Variants in DLG1 observed in about 807,000 individuals in gnomAD.
The protein encoded by DLG1 is disks large homolog 1.
Under a neutral mutation model 123.4 loss-of-function variants are expected in DLG1, and 42 were observed. That is an observed-to-expected ratio of 0.34 (90% CI 0.27 to 0.44). DLG1 has a LOEUF of 0.44. DLG1 is among the 20% of genes least tolerant of loss of function. The pLI is 1.00. For synonymous variants in DLG1, 317 were observed against 356.2 expected, an observed-to-expected ratio of 0.89 and a Z score of 1.24; for missense variants, 942 against 1,082.6, an observed-to-expected ratio of 0.87 and a Z score of 1.82.
Position 197,130,527 on chromosome 3 carries a change from A to G in DLG1, c.1165T>C (p.Ser389Pro), listed in dbSNP as rs758922572. Residue 389 changes from serine (S) to proline (P), a missense_variant and splice_region_variant, in exon 11 of 25, where the codon TCT becomes CCT. Coordinates refer to ENST00000667157, the MANE Select transcript of DLG1 (RefSeq NM_001366207.1). ...AGCAAACGTATGCTAACAGACTTAC[A>G]GTTGGTGATATCAGGTGGTGCATAG... The part of the protein sequence containing the change: ...DGYAPPDITN[S>P]SSQPVDNHVS... 1 of 1,597,816 alleles carries G rather than the reference A, an allele frequency of 6.3e-7. No individual in the cohort carries two copies. The highest frequency in any genetic ancestry group is 8.5e-7 in the Non-Finnish European group (1 of 1,172,386).
At chr3:197,204,824 A>T (rs1727679965) in intron 4 of DLG1, among the ~76,000 whole-genome samples, 1 of 152,220 alleles carries the variant, frequency 6.6e-6, no homozygotes, top group Non-Finnish European at 1.5e-5. Flanking sequence ...GGGCATCAGC[A>T]TCCACTGATT....
chr3:197,186,992 A>G (rs565697390), intron 5 of DLG1, among the ~76,000 whole-genome samples: 2 of 152,374 alleles, frequency 1.3e-5, no homozygotes, highest in South Asian at 4.1e-4. Context: ...ATGTAACGTA[A>G]ATGCAATATA....
intron 4 of DLG1, among the ~76,000 whole-genome samples, chr3:197,247,375 TACA>T (rs1752243365): frequency 6.6e-6 from 1 of 152,080 alleles, no homozygotes; most frequent in Non-Finnish European, 1.5e-5. Flanking sequence ...ATTTGGCAGA[TACA>T]GGTGGTCTAG....
At chr3:197,195,337 A>G (rs1249539238) in intron 4 of DLG1, among the ~76,000 whole-genome samples, 4 of 151,984 alleles carry the variant, frequency 2.6e-5, no homozygotes, top group Admixed American at 2.6e-4. Context: ...TTAAAAAGGC[A>G]TACAAATGGG....
At chr3:197,172,314 TAAC>T (rs758177739) in intron 5 of DLG1, among the ~76,000 whole-genome samples, 12 of 152,160 alleles carry the variant, frequency 7.9e-5, no homozygotes, top group Non-Finnish European at 1.0e-4. Context: ...GAATGATAAT[TAAC>T]AACTATTTTA....
chr3:197,136,703 C>T (rs1785197135), intron 9 of DLG1, 25 bp from the exon 10 acceptor site: 1 of 1,581,534 alleles, frequency 6.3e-7, no homozygotes, highest in African/African-American at 1.4e-5. Flanking sequence ...GTTCTAGATT[C>T]TCATCCATAA....
rs541516125 is a variant in DLG1, at chr3:197,080,207, T to TA, written c.1905+843dup. 2.1e-4 allele frequency among the ~76,000 whole-genome samples: 31 copies of TA among 149,424 alleles called. No individual in the cohort carries two copies. In the East Asian group the frequency reaches 5.9e-3, roughly 29 times the overall value. ...GTATTTAGATGCAAGCAGAAGGACT[T>TA]AAAGTGAAGGAAAAATAAATACACT... On this transcript the variant is annotated intron_variant, in intron 17 of 24. Coordinates refer to ENST00000667157, the MANE Select transcript of DLG1 (RefSeq NM_001366207.1).
intron 4 of DLG1, among the ~76,000 whole-genome samples, chr3:197,280,485 T>C (rs1167615011): frequency 6.6e-6 from 1 of 152,154 alleles, no homozygotes; most frequent in Non-Finnish European, 1.5e-5. Flanking sequence ...TATTCTGATA[T>C]CCTTTCTCTT....
At chr3:197,233,426 G>A (rs1014185097) in intron 4 of DLG1, among the ~76,000 whole-genome samples, 3 of 152,106 alleles carry the variant, frequency 2.0e-5, no homozygotes, top group Non-Finnish European at 4.4e-5. Flanking sequence ...TAGCTCCATC[G>A]CCCAGGCTGG....
intron 7 of DLG1, among the ~76,000 whole-genome samples, chr3:197,142,321 G>A (rs1318545336): frequency 6.6e-6 from 1 of 152,118 alleles, no homozygotes; most frequent in Non-Finnish European, 1.5e-5. Flanking sequence ...TTTCCTGGAT[G>A]GGCCTCTGAG....
chr3:197,285,510 A>G (rs890410497), intron 3 of DLG1, among the ~76,000 whole-genome samples: 38 of 152,096 alleles, frequency 2.5e-4, no homozygotes, highest in African/African-American at 8.9e-4. Context: ...CTGGCAAAAC[A>G]CATACCCAAT....
chr3:197,261,636 T>C (rs1434318355), intron 4 of DLG1, among the ~76,000 whole-genome samples: 1 of 152,184 alleles, frequency 6.6e-6, no homozygotes, highest in African/African-American at 2.4e-5. Context: ...CAAATACACA[T>C]GGACTGCACT....
intron 4 of DLG1, among the ~76,000 whole-genome samples, chr3:197,237,744 C>T (rs755523123): frequency 3.3e-5 from 5 of 152,180 alleles, no homozygotes; most frequent in East Asian, 1.9e-4. Flanking sequence ...AGTCAGGAGA[C>T]GGGATTTTCC....
At chr3:197,162,248 T>C (rs1185077432) in intron 5 of DLG1, among the ~76,000 whole-genome samples, 4 of 126,028 alleles carry the variant, frequency 3.2e-5, no homozygotes, top group Admixed American at 8.4e-5. Context: ...TCAACTAACA[T>C]TGATTGTCTA....
At chr3:197,193,927 C>G (rs1721031323) in intron 5 of DLG1, among the ~76,000 whole-genome samples, 1 of 151,548 alleles carries the variant, frequency 6.6e-6, no homozygotes, top group African/African-American at 2.4e-5. Context: ...TCAAGTGATT[C>G]TCCTGTCTCA....
At chr3:197,088,704 G>GT (rs1484591938) in intron 15 of DLG1, among the ~76,000 whole-genome samples, 2 of 152,210 alleles carry the variant, frequency 1.3e-5, no homozygotes, top group Non-Finnish European at 2.9e-5. Flanking sequence ...CTATCAGACC[G>GT]TATGTGTGAC....
At chr3:197,206,738 TA>T (rs1172015092) in intron 4 of DLG1, among the ~76,000 whole-genome samples, 3 of 151,540 alleles carry the variant, frequency 2.0e-5, no homozygotes, top group South Asian at 2.1e-4. Flanking sequence ...AACTATGAGA[TA>T]AAAAAATTAG....
rs545799654 is a variant in DLG1, at chr3:197,138,145, T to C, written c.883+77A>G. ...TTACTAATACTGTACTTGGAATGTA[T>C]GTCACAGATAAAGTTCATAGGTATA... On this transcript the variant is annotated intron_variant, in intron 9 of 24. Coordinates refer to ENST00000667157, the MANE Select transcript of DLG1 (RefSeq NM_001366207.1). 1.3e-5 allele frequency: 11 copies of C among 817,420 alleles called. No homozygotes were observed. The African/African-American group carries it at 1.9e-4, about 14-fold the overall frequency. The allele number at this position is 817,420 out of a possible 1,614,324, so 50.6% of individuals were successfully genotyped here.
chr3:197,070,564 C>CTTTTTTTTTTTTTTTTTTTTTTTTTTT (rs1491200833), intron 18 of DLG1: 2 of 44,926 alleles, frequency 4.5e-5, no homozygotes, highest in Non-Finnish European at 1.0e-4. Flanking sequence ...CTGGAAATTT[C>CTTTTTTTTTTTTTTTTTTTTTTTTTTT]ATTTTTTTTT....
Sources: allele counts gnomAD v4.1 joint callset (sites outside exome capture counted in the v4.1 genomes callset), GRCh38; gene constraint gnomAD v4.1.1; transcripts MANE v1.5; gene names NCBI Gene and HGNC (gene_info 2026-07-23, HGNC 2026-07-21).